Variants in PCSK5 observed in about 807,000 individuals in gnomAD.
PCSK5 encodes the protein prohormone convertase 5.
Under a neutral mutation model 233.2 loss-of-function variants are expected in PCSK5, and 129 were observed. The ratio of observed to expected loss-of-function variants is 0.55; its 90% CI spans 0.48 to 0.64. PCSK5 has a LOEUF of 0.64. PCSK5 is among the 30% of genes least tolerant of loss of function. The pLI, the probability that PCSK5 is intolerant of heterozygous loss-of-function variation, is 0.00. For synonymous variants in PCSK5, 825 were observed against 879.2 expected (o/e 0.94, Z 1.09); for missense variants, 2,076 against 2,430.1 (o/e 0.85, Z 3.06).
chr9:75,976,441 A>T (rs1225455326), intron 2 of PCSK5, among the ~76,000 whole-genome samples: 1 of 152,128 alleles, frequency 6.6e-6, no homozygotes, highest in Non-Finnish European at 1.5e-5. Flanking sequence ...CCCAGAGGAC[A>T]AATTAAACTT....
intron 3 of PCSK5, among the ~76,000 whole-genome samples, chr9:75,988,586 T>G (rs190277847): frequency 1.5e-4 from 23 of 152,232 alleles, no homozygotes; most frequent in Admixed American, 3.9e-4. Context: ...TTGGCTAACT[T>G]TTAAACTTTT....
intron 24 of PCSK5, among the ~76,000 whole-genome samples, chr9:76,279,451 T>C (rs1266368035): frequency 6.6e-6 from 1 of 151,698 alleles, no homozygotes; most frequent in Non-Finnish European, 1.5e-5. Flanking sequence ...CTGGGTCAAA[T>C]GGTATTTCTA....
intron 8 of PCSK5, among the ~76,000 whole-genome samples, chr9:76,106,376 A>G (rs1465066594): frequency 6.6e-6 from 1 of 152,228 alleles, no homozygotes; most frequent in Admixed American, 6.5e-5. Flanking sequence ...ATCTTATTCC[A>G]TAGTATTAAA....
At chr9:76,025,469 A>G (rs553278965) in intron 4 of PCSK5, among the ~76,000 whole-genome samples, 1 of 152,076 alleles carries the variant, frequency 6.6e-6, no homozygotes, top group South Asian at 2.1e-4. Flanking sequence ...GCCAAATTAT[A>G]CTCCAGAGAA....
At chr9:76,082,282 A>T (rs1405761913) in intron 7 of PCSK5, among the ~76,000 whole-genome samples, 2 of 152,220 alleles carry the variant, frequency 1.3e-5, no homozygotes, top group African/African-American at 4.8e-5. Context: ...TTCTCTCAGG[A>T]AACATTCTTG....
At chr9:76,269,662 A>C (rs1258133417) in intron 24 of PCSK5, among the ~76,000 whole-genome samples, 1 of 152,244 alleles carries the variant, frequency 6.6e-6, no homozygotes, top group African/African-American at 2.4e-5. Flanking sequence ...ATAAAAGCAC[A>C]GAAGTAGAGA....
At chr9:76,220,286 G>A (rs1322187552) in intron 20 of PCSK5, among the ~76,000 whole-genome samples, 1 of 152,098 alleles carries the variant, frequency 6.6e-6, no homozygotes, top group Non-Finnish European at 1.5e-5. Context: ...CAGCACTTTG[G>A]GAGGCTGAGG....
At position 76,262,397 on chromosome 9, in the gene PCSK5, CA is replaced by C. The variant is rs1438127809; in HGVS notation, c.3142+21717del. 3.3e-5 allele frequency among the ~76,000 whole-genome samples: 5 copies of C among 152,220 alleles called. No homozygotes were observed. The East Asian group carries it at 9.7e-4, about 29-fold the overall frequency. ...AACTATACTATGAGGCTACAGTAACCAAAACAGCATGGTACTGGTACCAAAA... is the reference window on the plus strand; with the variant it reads ...AACTATACTATGAGGCTACAGTAACCAAACAGCATGGTACTGGTACCAAAA... On this transcript the variant is annotated intron_variant, in intron 24 of 37. Transcript: ENST00000674117.
intron 3 of PCSK5, among the ~76,000 whole-genome samples, chr9:75,989,343 A>C (rs2131399737): frequency 6.6e-6 from 1 of 152,246 alleles, no homozygotes; most frequent in African/African-American, 2.4e-5. Flanking sequence ...AAATACAAAA[A>C]ATTAGCTGGA....
intron 8 of PCSK5, among the ~76,000 whole-genome samples, chr9:76,100,900 C>T: frequency 6.6e-6 from 1 of 152,128 alleles, no homozygotes; most frequent in African/African-American, 2.4e-5. Context: ...GATGTTCAAA[C>T]CAGGGCTTCC....
At position 76,027,047 on chromosome 9, in the gene PCSK5, A is replaced by G; in HGVS notation, c.632+10A>G. 1 of 1,586,634 alleles carries G rather than the reference A, an allele frequency of 6.3e-7. No individual in the cohort carries two copies. Reference sequence around the variant, plus strand: ...CAAGCAACGAGAACAAGTAAGGCCCAAGTGAGGGGTGGCTGGCATGTGGCT... The same window carrying G: ...CAAGCAACGAGAACAAGTAAGGCCCGAGTGAGGGGTGGCTGGCATGTGGCT... On this transcript the variant is annotated intron_variant, in intron 5 of 37. Coordinates refer to ENST00000674117, the MANE Select transcript of PCSK5 (RefSeq NM_001372043.1).
intron 27 of PCSK5, among the ~76,000 whole-genome samples, chr9:76,299,480 C>T (rs2377530): frequency 0.43 from 65,403 of 151,852 alleles, 15,501 homozygotes; most frequent in East Asian, 0.87. Flanking sequence ...ACCAACCTGG[C>T]CAACATGGTG....
intron 28 of PCSK5, among the ~76,000 whole-genome samples, chr9:76,308,024 C>T (rs1828755339): frequency 6.6e-6 from 1 of 151,964 alleles, no homozygotes; most frequent in African/African-American, 2.4e-5. Context: ...TGGCAAAACC[C>T]CGTCTCTACT....
intron 7 of PCSK5, among the ~76,000 whole-genome samples, chr9:76,090,338 TA>T (rs1477052085): frequency 6.6e-6 from 1 of 152,208 alleles, no homozygotes; most frequent in Non-Finnish European, 1.5e-5. Context: ...GGATATTTCC[TA>T]TGAATGGAAA....
chr9:76,033,418 A>G lies in PCSK5; in HGVS notation c.632+6381A>G, dbSNP rs370437042. 1.6e-3 allele frequency among the ~76,000 whole-genome samples: 246 copies of G among 152,316 alleles called. 6 individuals are homozygous for G. The South Asian group carries it at 0.04, about 25-fold the overall frequency. The stretch of plus-strand genomic sequence containing the variant: ...AATATCAGAGGCTGATTTGATTTTC[A>G]AATATTTTCAAATTTTTTTCTCTAA... On this transcript the variant is annotated intron_variant, in intron 5 of 37. Coordinates refer to ENST00000674117, the MANE Select transcript of PCSK5 (RefSeq NM_001372043.1).
At chr9:76,103,521 A>T (rs1024306013) in intron 8 of PCSK5, among the ~76,000 whole-genome samples, 1 of 152,202 alleles carries the variant, frequency 6.6e-6, no homozygotes, top group Admixed American at 6.5e-5. Context: ...TCAAAGGTCC[A>T]ATCAGAACAA....
In PCSK5 at chr9:76,098,721, A is replaced by T. The variant is rs139623671; in HGVS notation, c.1107+2619A>T. On this transcript the variant is annotated intron_variant, in intron 8 of 37. Coordinates refer to ENST00000674117, the MANE Select transcript of PCSK5 (RefSeq NM_001372043.1). ...TATAAATGCCTTCTGTAAGGGAAGC[A>T]TATAGTCTCATGGTAAAAATATCAA... 6.5e-3 allele frequency among the ~76,000 whole-genome samples: 993 copies of T among 152,352 alleles called. 6 individuals carry two copies. Among genetic ancestry groups the T allele is most frequent in the Non-Finnish European group, 8.9e-3 (604 of 68,040 alleles).
chr9:76,123,304 C>CAG (rs1334436425), intron 9 of PCSK5, among the ~76,000 whole-genome samples: 5 of 152,080 alleles, frequency 3.3e-5, no homozygotes, highest in Non-Finnish European at 5.9e-5. Context: ...TGAATCCTCC[C>CAG]ATTCATGAAT....
intron 24 of PCSK5, among the ~76,000 whole-genome samples, chr9:76,247,072 G>C (rs867284733): frequency 6.6e-6 from 1 of 152,172 alleles, no homozygotes; most frequent in Non-Finnish European, 1.5e-5. Context: ...TGTTCAGCTC[G>C]ATTAGGATGA....
Sources: gnomAD v4.1 joint callset for allele counts (sites outside exome capture counted in the v4.1 genomes callset) on GRCh38, gnomAD v4.1.1 for gene constraint, MANE v1.5 for transcripts, NCBI Gene and HGNC (gene_info 2026-07-23, HGNC 2026-07-21) for gene names.